COG6: variants seen among roughly 807,000 people sequenced by gnomAD.
COG6 encodes component of oligomeric golgi complex 6, also known as conserved oligomeric Golgi complex subunit 6.
In COG6, 74 loss-of-function variants were observed where a neutral mutation model predicts 88.8. That is an observed-to-expected ratio of 0.83 (90% CI 0.69 to 1.01). The LOEUF is 1.01. COG6 is among the 50% of genes least tolerant of loss of function. The pLI is 0.00. For synonymous variants in COG6, 286 were observed against 278.7 expected, an observed-to-expected ratio of 1.03 and a Z score of -0.26; for missense variants, 800 against 797.9, an observed-to-expected ratio of 1.00 and a Z score of -0.03.
chr13:39,770,151 G>GT (rs1478064454), intron 18 of COG6, among the ~76,000 whole-genome samples: 1 of 152,116 alleles, frequency 6.6e-6, no homozygotes, highest in African/African-American at 2.4e-5. Flanking sequence ...TAGGCAGTTT[G>GT]GTAATTTATC....
intron 11 of COG6, among the ~76,000 whole-genome samples, chr13:39,692,317 T>C (rs1249132617): frequency 6.6e-6 from 1 of 151,944 alleles, no homozygotes; most frequent in Non-Finnish European, 1.5e-5. Context: ...AAATCCTTCT[T>C]TTATGTGAAT....
chr13:39,685,408 CATTAAT>C (rs1876578339), intron 8 of COG6, among the ~76,000 whole-genome samples: 1 of 152,114 alleles, frequency 6.6e-6, no homozygotes, highest in Non-Finnish European at 1.5e-5. Flanking sequence ...GGAGGATTGA[CATTAAT>C]ATTAATGTTT....
intron 18 of COG6, among the ~76,000 whole-genome samples, chr13:39,760,186 TG>T (rs1880966739): frequency 6.6e-6 from 1 of 152,180 alleles, no homozygotes; most frequent in Non-Finnish European, 1.5e-5. Flanking sequence ...CGAGTCTTTC[TG>T]GGGGTATCAT....
intron 18 of COG6, among the ~76,000 whole-genome samples, chr13:39,766,420 A>G (rs1307776156): frequency 1.3e-5 from 2 of 151,902 alleles, no homozygotes; most frequent in Non-Finnish European, 2.9e-5. Flanking sequence ...GCATCCAGTC[A>G]CCCCTGGCCC....
chr13:39,760,296 A>T (rs1880970718), intron 18 of COG6, among the ~76,000 whole-genome samples: 1 of 152,144 alleles, frequency 6.6e-6, no homozygotes, highest in African/African-American at 2.4e-5. Flanking sequence ...GATTGAACTG[A>T]GGTAGAAAAA....
chr13:39,750,037 G>A (rs1277362295), intron 18 of COG6, among the ~76,000 whole-genome samples: 3 of 152,150 alleles, frequency 2.0e-5, no homozygotes, highest in Non-Finnish European at 2.9e-5. Context: ...GAGCTGAAGT[G>A]ATACAACATT....
chr13:39,739,347 C>T (rs1879929556), intron 18 of COG6, among the ~76,000 whole-genome samples: 1 of 151,988 alleles, frequency 6.6e-6, no homozygotes, highest in African/African-American at 2.4e-5. Context: ...AACCGCAGTT[C>T]ACCTATATGC....
At chr13:39,741,850 G>A (rs1179771592) in intron 18 of COG6, among the ~76,000 whole-genome samples, 4 of 152,160 alleles carry the variant, frequency 2.6e-5, no homozygotes, top group Non-Finnish European at 5.9e-5. Context: ...AGAGCAGCCA[G>A]AGAGAAAGGT....
intron 18 of COG6, among the ~76,000 whole-genome samples, chr13:39,763,239 C>T (rs7337585): frequency 0.42 from 62,860 of 151,198 alleles, 13,419 homozygotes; most frequent in Admixed American, 0.57. Context: ...TAATTGTAAG[C>T]GTTATTTGTG....
rs759330421 is a variant in COG6 at position 39,659,216 on chromosome 13, G to C, written c.154-148G>C. ...CTTCTTGTGTTCTGGAAATAAGCAT[G>C]CTTCAGTAATTTGAAGGTCATTCAA... On this transcript the variant is annotated intron_variant, in intron 1 of 18. Transcript: ENST00000455146. 42 of 712,896 alleles carry C rather than the reference G, an allele frequency of 5.9e-5. 1 individual carries two copies. The highest frequency in any genetic ancestry group is 4.1e-4 in the Admixed American group (18 of 43,516). The allele number at this position is 712,896 out of a possible 1,614,324, so 44.2% of individuals were successfully genotyped here. A position where few individuals can be genotyped will look rare whatever the true frequency, so the allele number is the denominator to read the frequency against.
At position 39,770,910 on chromosome 13, in the gene COG6, C is replaced by T. The variant is rs545035927; in HGVS notation, c.1827-17425C>T. On this transcript the variant is annotated intron_variant, in intron 18 of 18. Transcript: ENST00000416691. ...GAGGTTTTTTCAAAAGGACTTCCAC[C>T]GCCTCATTGCCTTCTCTTCTTGTTT... is the stretch of plus-strand genomic sequence containing the variant. Among the ~76,000 whole-genome samples, 11 of 152,270 alleles carry T rather than the reference C, an allele frequency of 7.2e-5. No individual in the cohort carries two copies. In the South Asian group the frequency reaches 1.0e-3, roughly 14 times the overall value.
rs189745907 is a variant in COG6, at chr13:39,671,775, C to A, written c.429-5693C>A. Among the ~76,000 whole-genome samples, 527 of 151,958 alleles carry A rather than the reference C, an allele frequency of 3.5e-3. 2 individuals are homozygous for A. Among genetic ancestry groups the A allele is most frequent in the African/African-American group, 0.012 (508 of 41,508 alleles). ...TTCAGCTTATAGGAAATTTATTTCA[C>A]CTTTGTACTTTACAGTTTTATTATA... On this transcript the variant is annotated intron_variant, in intron 4 of 18. Transcript: ENST00000455146.
At chr13:39,692,122 G>T (rs1240936151) in intron 11 of COG6, among the ~76,000 whole-genome samples, 1 of 151,978 alleles carries the variant, frequency 6.6e-6, no homozygotes, top group Non-Finnish European at 1.5e-5. Flanking sequence ...ATTAAGATAA[G>T]ATCTGTAAAC....
chr13:39,664,519 T>C (rs776677766), intron 3 of COG6, among the ~76,000 whole-genome samples: 92 of 152,236 alleles, frequency 6.0e-4, no homozygotes, highest in Non-Finnish European at 1.0e-3. Flanking sequence ...TTTCCACTTT[T>C]GATCAACTCT....
intron 3 of COG6, among the ~76,000 whole-genome samples, chr13:39,661,152 T>C (rs1051592426): frequency 3.3e-5 from 5 of 152,210 alleles, no homozygotes; most frequent in Admixed American, 3.3e-4. Flanking sequence ...AATTCCGTAA[T>C]ATTCTAGAAA....
chr13:39,759,512 T>A (rs1251465179), intron 18 of COG6, among the ~76,000 whole-genome samples: 1 of 152,192 alleles, frequency 6.6e-6, no homozygotes, highest in East Asian at 1.9e-4. Flanking sequence ...CTAATTTAGT[T>A]AAATATGCTG....
chr13:39,734,389 C>T (rs1425295541), intron 18 of COG6, among the ~76,000 whole-genome samples: 1 of 152,038 alleles, frequency 6.6e-6, no homozygotes, highest in Non-Finnish European at 1.5e-5. Context: ...TGTTAAATTT[C>T]CATGTGTTTG....
At chr13:39,710,471 G>C (rs1429892927) in intron 13 of COG6, among the ~76,000 whole-genome samples, 1 of 152,014 alleles carries the variant, frequency 6.6e-6, no homozygotes, top group Non-Finnish European at 1.5e-5. Context: ...GGGTATGGAG[G>C]AGCAAATTTG....
At chr13:39,675,420 A>C (rs1875910231) in intron 4 of COG6, among the ~76,000 whole-genome samples, 1 of 152,206 alleles carries the variant, frequency 6.6e-6, no homozygotes, top group South Asian at 2.1e-4. Context: ...TGGAAAGAAT[A>C]CATGTGGTAA....
Sources: gnomAD v4.1 joint callset for allele counts (sites outside exome capture counted in the v4.1 genomes callset) on GRCh38, gnomAD v4.1.1 for gene constraint, MANE v1.5 for transcripts, NCBI Gene and HGNC (gene_info 2026-07-23, HGNC 2026-07-21) for gene names.